The following SERPINE2 variants were observed in gnomAD, a reference collection of about 807,000 sequenced individuals.
SERPINE2 encodes the protein glia-derived nexin.
Under a neutral mutation model 36.3 loss-of-function variants are expected in SERPINE2, and 14 were observed. The observed-to-expected ratio is 0.39, with a 90% confidence interval of 0.25 to 0.60. SERPINE2 has a LOEUF of 0.60. SERPINE2 is among the 20% of genes least tolerant of loss of function. SERPINE2 has a pLI of 0.57. For missense variants in SERPINE2, 418 were observed against 499.6 expected (o/e 0.84, Z 1.56); for synonymous variants, 192 against 191.8 (o/e 1.00, Z -0.01).
chr2:224,030,672 G>T (rs1253628418), intron 1 of SERPINE2: 1 of 152,388 alleles, frequency 6.6e-6, no homozygotes, highest in Non-Finnish European at 1.5e-5. Context: ...GGAGGAAAAG[G>T]AGGAAACACA....
intron 1 of SERPINE2, among the ~76,000 whole-genome samples, chr2:224,022,067 G>A (rs569283495): frequency 5.3e-5 from 8 of 150,268 alleles, no homozygotes; most frequent in Admixed American, 1.3e-4. Flanking sequence ...GCTGAGACAG[G>A]AGAATGGCAT....
intron 3 of SERPINE2, among the ~76,000 whole-genome samples, chr2:223,994,709 G>A (rs1215853182): frequency 6.6e-6 from 1 of 152,218 alleles, no homozygotes; most frequent in African/African-American, 2.4e-5. Context: ...TAGTTGGTGA[G>A]GTCTGAGATG....
chr2:223,977,695 T>C (rs1690065510), intron 7 of SERPINE2, 68 bp from the exon 8 acceptor site: 4 of 1,035,682 alleles, frequency 3.9e-6, no homozygotes, highest in Middle Eastern at 4.1e-4. Flanking sequence ...GGCCAGCAAG[T>C]TAGCTAGCTT....
At chr2:223,980,098 C>A (rs566030924) in intron 7 of SERPINE2, 2 of 459,708 alleles carry the variant, frequency 4.4e-6, no homozygotes, top group East Asian at 7.1e-5. Context: ...GAATTTCTCT[C>A]ACTGAAATGC....
chr2:224,001,429 T>G, intron 2 of SERPINE2: 1 of 522,280 alleles, frequency 1.9e-6, no homozygotes, highest in Non-Finnish European at 3.3e-6. Context: ...GCTCCAAAAG[T>G]ACAAAAAAGG....
At chr2:223,985,776 C>T (rs1457705568) in intron 4 of SERPINE2, among the ~76,000 whole-genome samples, 1 of 152,226 alleles carries the variant, frequency 6.6e-6, no homozygotes, top group African/African-American at 2.4e-5. Context: ...CTTCCTCCTA[C>T]TTCACCACCC....
chr2:224,006,491 G>A (rs868119126), intron 1 of SERPINE2, among the ~76,000 whole-genome samples: 25 of 152,144 alleles, frequency 1.6e-4, no homozygotes, highest in African/African-American at 6.0e-4. Flanking sequence ...TTAAAGATGA[G>A]GTTCTTTATT....
intron 7 of SERPINE2, chr2:223,978,820 T>C (rs1690113687): frequency 6.6e-6 from 1 of 152,388 alleles, no homozygotes; most frequent in Non-Finnish European, 1.5e-5. Context: ...CAAATTCATA[T>C]GCTGAAGCCC....
chr2:224,009,748 C>G (rs1574837260), intron 1 of SERPINE2, among the ~76,000 whole-genome samples: 1 of 151,882 alleles, frequency 6.6e-6, no homozygotes, highest in African/African-American at 2.4e-5. Context: ...GGCTGCCAAA[C>G]TGAGACTTCT....
At chr2:224,010,528 G>A (rs536590514) in intron 1 of SERPINE2, 2 of 198,072 alleles carry the variant, frequency 1.0e-5, no homozygotes, top group East Asian at 3.7e-4. Flanking sequence ...TTTGTTAGCA[G>A]TCTGTCTTTT....
At chr2:223,984,334 TTAAA>T (rs1324944783) in intron 5 of SERPINE2, among the ~76,000 whole-genome samples, 1 of 152,186 alleles carries the variant, frequency 6.6e-6, no homozygotes, top group Non-Finnish European at 1.5e-5. Context: ...GAACTTCTAG[TTAAA>T]TAAATAAATA....
chr2:224,033,620 C>T (rs1296415816), intron 1 of SERPINE2, among the ~76,000 whole-genome samples: 9 of 149,636 alleles, frequency 6.0e-5, no homozygotes, highest in African/African-American at 2.2e-4. Flanking sequence ...CTGCTCTTTC[C>T]ACCAAATGTG....
chr2:224,001,498 T>G (rs1691157990), intron 2 of SERPINE2, 144 bp downstream of exon 2: 1 of 830,984 alleles, frequency 1.2e-6, no homozygotes, highest in African/African-American at 2.0e-5. Context: ...TAGAAGAGAC[T>G]GACCCCAAGC....
At chr2:223,976,096 T>C (rs575575819) in intron 8 of SERPINE2, among the ~76,000 whole-genome samples, 192 bp from the exon 9 acceptor site, 1 of 152,200 alleles carries the variant, frequency 6.6e-6, no homozygotes, top group Non-Finnish European at 1.5e-5. Context: ...ACTAGTCACA[T>C]GTGGCCAGAG....
chr2:224,019,381 A>G (rs1175215553), intron 1 of SERPINE2, among the ~76,000 whole-genome samples: 4 of 152,220 alleles, frequency 2.6e-5, no homozygotes, highest in African/African-American at 9.6e-5. Flanking sequence ...CAGGTAACTT[A>G]GGCCACCAAT....
At chr2:224,004,813 T>C (rs1350912607) in intron 1 of SERPINE2, among the ~76,000 whole-genome samples, 2 of 151,678 alleles carry the variant, frequency 1.3e-5, no homozygotes, top group African/African-American at 4.8e-5. Flanking sequence ...TCTTGCATTA[T>C]AGTCTATTCT....
chr2:224,018,046 C>T (rs956309205), intron 1 of SERPINE2, among the ~76,000 whole-genome samples: 1 of 152,198 alleles, frequency 6.6e-6, no homozygotes. Context: ...CTTTATCAGA[C>T]TTTCACATCT....
At chr2:224,023,606 A>G (rs1398712145) in intron 1 of SERPINE2, among the ~76,000 whole-genome samples, 1 of 152,230 alleles carries the variant, frequency 6.6e-6, no homozygotes, top group Non-Finnish European at 1.5e-5. Context: ...CAGTTCAGAA[A>G]CTTTTAAAAA....
At chr2:223,985,763 T>C (rs1690403686) in intron 4 of SERPINE2, among the ~76,000 whole-genome samples, 1 of 152,222 alleles carries the variant, frequency 6.6e-6, no homozygotes, top group Non-Finnish European at 1.5e-5. Flanking sequence ...TGCCAAGGAT[T>C]GTCTTCCTCC....
Sources: allele counts gnomAD v4.1 joint callset (sites outside exome capture counted in the v4.1 genomes callset), GRCh38; gene constraint gnomAD v4.1.1; transcripts MANE v1.5; gene names NCBI Gene and HGNC (gene_info 2026-07-23, HGNC 2026-07-21).